NELL2: variants seen among roughly 807,000 people sequenced by gnomAD.
NELL2 encodes protein kinase C-binding protein NELL2.
In NELL2, 41 loss-of-function variants were observed where a neutral mutation model predicts 109.6. The ratio of observed to expected loss-of-function variants is 0.37; its 90% confidence interval spans 0.29 to 0.49. The LOEUF (loss-of-function observed/expected upper bound fraction) is 0.49, where lower values mean the gene tolerates loss of function less well. NELL2 is among the 20% of genes least tolerant of loss of function. NELL2 has a pLI of 0.98. For missense variants in NELL2, 900 were observed against 1,008.3 expected, an observed-to-expected ratio of 0.89 and a Z score of 1.45; for synonymous variants, 355 against 344.7, an observed-to-expected ratio of 1.03 and a Z score of -0.33.
At chr12:44,837,958 G>A (rs555981126) in intron 2 of NELL2, among the ~76,000 whole-genome samples, 12 of 152,228 alleles carry the variant, frequency 7.9e-5, no homozygotes, top group South Asian at 2.1e-4. Flanking sequence ...ACAAATCGCC[G>A]CAGAATAGTT....
chr12:44,666,437 G>T (rs764850152), intron 12 of NELL2, among the ~76,000 whole-genome samples: 43 of 152,128 alleles, frequency 2.8e-4, no homozygotes, highest in Non-Finnish European at 5.4e-4. Context: ...TTCCCATCCA[G>T]AAGTCTGCAT....
At position 44,875,970 on chromosome 12, in the gene NELL2, G is replaced by A; in HGVS notation, c.-101C>T. On this transcript the variant is annotated 5_prime_UTR_variant, in exon 1 of 20. Transcript: ENST00000429094. ...CGGGAAAATAACGTTTGTCTCTCCT[G>A]CTGCTGCCTCGGATTTACTGATCAG... 1 of 1,584,362 alleles carries A rather than the reference G, an allele frequency of 6.3e-7. No homozygotes were observed. Among genetic ancestry groups the A allele is most frequent in the Non-Finnish European group, 8.5e-7 (1 of 1,171,120 alleles).
intron 9 of NELL2, among the ~76,000 whole-genome samples, chr12:44,729,550 A>G (rs540363012): frequency 7.6e-6 from 1 of 132,156 alleles, no homozygotes; most frequent in South Asian, 2.6e-4. Flanking sequence ...AAGACAGAGA[A>G]CAGCTGAATG....
chr12:44,897,349 C>G (rs992860893), intron 1 of NELL2, among the ~76,000 whole-genome samples: 2 of 152,030 alleles, frequency 1.3e-5, no homozygotes, highest in African/African-American at 4.8e-5. Context: ...ATAGGAACAG[C>G]TCCGGTCTAC....
intron 12 of NELL2, among the ~76,000 whole-genome samples, chr12:44,688,138 A>G (rs1948785413): frequency 6.6e-6 from 1 of 152,210 alleles, no homozygotes; most frequent in Non-Finnish European, 1.5e-5. Flanking sequence ...CAAATTACAC[A>G]TATTCTATAT....
At chr12:44,657,859 T>A (rs1005045387) in intron 13 of NELL2, among the ~76,000 whole-genome samples, 1 of 152,210 alleles carries the variant, frequency 6.6e-6, no homozygotes, top group Non-Finnish European at 1.5e-5. Context: ...TGTGCCACAT[T>A]TTCTTTATCC....
intron 2 of NELL2, among the ~76,000 whole-genome samples, chr12:44,865,015 A>G (rs1024285403): frequency 7.3e-5 from 10 of 137,188 alleles, no homozygotes; most frequent in Admixed American, 3.7e-4. Flanking sequence ...ATTTCTCCAC[A>G]TCCTCTCCAG....
chr12:44,787,337 C>T (rs1309189021), intron 3 of NELL2, among the ~76,000 whole-genome samples: 3 of 151,996 alleles, frequency 2.0e-5, no homozygotes, highest in Non-Finnish European at 2.9e-5. Context: ...GTAAAGAAGT[C>T]AATTCTCCCC....
At position 44,618,585 on chromosome 12, in the gene NELL2, G is replaced by A. The variant is rs530179283; in HGVS notation, c.1445-7615C>T. ...TAGGGCAATAAAAATCTTGTAACCA[G>A]ATAGATTTGTTTTCTCAACATATGA... On this transcript the variant is annotated intron_variant, in intron 13 of 19. Transcript: ENST00000429094. 2.6e-4 allele frequency among the ~76,000 whole-genome samples: 40 copies of A among 152,260 alleles called. 2 individuals are homozygous for A. Among genetic ancestry groups the A allele is most frequent in the Middle Eastern group, 6.8e-3 (2 of 294 alleles).
intron 9 of NELL2, among the ~76,000 whole-genome samples, chr12:44,735,912 A>G (rs983198564): frequency 3.9e-5 from 6 of 152,048 alleles, no homozygotes; most frequent in Admixed American, 2.0e-4. Flanking sequence ...GAAGACTATA[A>G]CACTTTATTG....
intron 13 of NELL2, among the ~76,000 whole-genome samples, chr12:44,634,440 G>C (rs1174643630): frequency 1.3e-5 from 2 of 151,498 alleles, no homozygotes; most frequent in African/African-American, 2.4e-5. Flanking sequence ...TTCTGTTCCT[G>C]TGTTAGTTTG....
intron 13 of NELL2, among the ~76,000 whole-genome samples, chr12:44,630,977 T>G (rs1388089262): frequency 6.6e-6 from 1 of 151,968 alleles, no homozygotes. Context: ...TTCTTCTAGT[T>G]TACCCAAATT....
intron 12 of NELL2, among the ~76,000 whole-genome samples, chr12:44,677,039 G>A (rs1405128246): frequency 6.6e-6 from 1 of 152,004 alleles, no homozygotes; most frequent in African/African-American, 2.4e-5. Context: ...GCAAAGTGAG[G>A]GCTCCAAACC....
chr12:44,620,275 T>C (rs1946006184), intron 13 of NELL2, among the ~76,000 whole-genome samples: 1 of 152,096 alleles, frequency 6.6e-6, no homozygotes, highest in Non-Finnish European at 1.5e-5. Flanking sequence ...CGACCGCCAC[T>C]TACATGGTAA....
intron 9 of NELL2, among the ~76,000 whole-genome samples, chr12:44,727,205 G>A (rs183243912): frequency 1.3e-5 from 2 of 152,212 alleles, no homozygotes; most frequent in African/African-American, 2.4e-5. Flanking sequence ...GAAAATATCT[G>A]TGTGGAATCC....
chr12:44,726,098 T>C (rs1248220787), intron 9 of NELL2, among the ~76,000 whole-genome samples: 1 of 152,098 alleles, frequency 6.6e-6, no homozygotes, highest in East Asian at 1.9e-4. Context: ...TAAAAAGTAA[T>C]TGACAAGAGA....
intron 3 of NELL2, among the ~76,000 whole-genome samples, chr12:44,804,925 C>T (rs145379590): frequency 6.6e-6 from 1 of 151,822 alleles, no homozygotes; most frequent in South Asian, 2.1e-4. Context: ...GTGGAAGATG[C>T]TACTTTTGAT....
chr12:44,627,518 T>C (rs1044970903), intron 13 of NELL2, among the ~76,000 whole-genome samples: 3 of 151,498 alleles, frequency 2.0e-5, no homozygotes, highest in East Asian at 3.9e-4. Context: ...ACTTATTACT[T>C]ATTTCATTTC....
chr12:44,729,958 G>A (rs892009606), intron 9 of NELL2, among the ~76,000 whole-genome samples: 1 of 151,978 alleles, frequency 6.6e-6, no homozygotes, highest in African/African-American at 2.4e-5. Context: ...ACTAATTTTT[G>A]TATTTTTAGT....
Sources: gnomAD v4.1 joint callset for allele counts (sites outside exome capture counted in the v4.1 genomes callset) on GRCh38, gnomAD v4.1.1 for gene constraint, MANE v1.5 for transcripts, NCBI Gene and HGNC (gene_info 2026-07-23, HGNC 2026-07-21) for gene names.